Variants in CSMD2 observed in about 807,000 individuals in gnomAD.
The protein encoded by CSMD2 is CUB and sushi domain-containing protein 2.
Under a neutral mutation model 398.5 loss-of-function variants are expected in CSMD2, and 130 were observed. That is an observed-to-expected ratio of 0.33 (90% CI 0.28 to 0.38). CSMD2 has a LOEUF of 0.38. Ranked by LOEUF, CSMD2 falls within the 10% of genes least tolerant of loss-of-function variation. CSMD2 has a pLI of 1.00. For missense variants in CSMD2, 3,829 were observed against 4,764.9 expected, an observed-to-expected ratio of 0.80 and a Z score of 5.78; for synonymous variants, 1,828 against 1,908.5, an observed-to-expected ratio of 0.96 and a Z score of 1.10.
At chr1:34,029,879 T>C (rs1650190256) in intron 3 of CSMD2, among the ~76,000 whole-genome samples, 1 of 152,226 alleles carries the variant, frequency 6.6e-6, no homozygotes, top group South Asian at 2.1e-4. Context: ...TGAGGTGAAA[T>C]AGGCTGTTCC....
chr1:34,155,581 G>C (rs965529087), intron 1 of CSMD2, among the ~76,000 whole-genome samples: 5 of 152,104 alleles, frequency 3.3e-5, no homozygotes, highest in Non-Finnish European at 7.4e-5. Flanking sequence ...GAGTTTTCAG[G>C]AGCAGTCCCA....
At chr1:33,661,231 G>A (rs916856945) in intron 26 of CSMD2, among the ~76,000 whole-genome samples, 4 of 152,172 alleles carry the variant, frequency 2.6e-5, no homozygotes, top group Non-Finnish European at 5.9e-5. Flanking sequence ...CAGCTTGGGC[G>A]CAGTTGGAGA....
intron 5 of CSMD2, among the ~76,000 whole-genome samples, chr1:33,868,653 T>C (rs1248428335): frequency 6.6e-6 from 1 of 152,132 alleles, no homozygotes; most frequent in Non-Finnish European, 1.5e-5. Flanking sequence ...GGAGAATTGC[T>C]TGAACCCAGG....
chr1:33,940,589 C>G (rs941909148), intron 3 of CSMD2, among the ~76,000 whole-genome samples: 1 of 152,074 alleles, frequency 6.6e-6, no homozygotes, highest in Admixed American at 6.5e-5. Flanking sequence ...GCTTCATTCA[C>G]TTGCTTGCCC....
chr1:33,958,854 C>T (rs189760952), intron 3 of CSMD2, among the ~76,000 whole-genome samples: 173 of 152,290 alleles, frequency 1.1e-3, no homozygotes, highest in Non-Finnish European at 1.9e-3. Flanking sequence ...GTTTAAGCTG[C>T]TATGTGCGTG....
rs1643806197 is a variant in CSMD2 at position 33,652,362 on chromosome 1, G to A, written c.4547C>T (p.Thr1516Ile). 11 of 1,614,132 alleles carry A rather than the reference G, an allele frequency of 6.8e-6. No homozygotes were observed. In the East Asian group the frequency reaches 2.0e-4, roughly 29 times the overall value. The change falls in exon 28 of 71, where the codon ACC becomes ATC. Residue 1516 changes from threonine (T) to isoleucine (I), a missense_variant. Transcript: ENST00000373381. ...PPGKECDWKV[T>I]VSPDYVIALV... ...GGCGATGACGTAGTCTGGTGAGACG[G>A]TCACTTTCCAGTCACACTCCTTGCC...
chr1:33,687,488 G>T (rs61799711), intron 25 of CSMD2, among the ~76,000 whole-genome samples: 1,856 of 152,108 alleles, frequency 0.012, 18 homozygotes, highest in Non-Finnish European at 0.019. Flanking sequence ...ATAAAAACAG[G>T]ATATAGAACT....
rs756937873 is a variant in CSMD2, at chr1:33,527,267, GA to G, written c.10172-10del. The G allele has an allele frequency of 2.5e-6, 4 of 1,608,058 alleles. No individual in the cohort carries two copies. Among genetic ancestry groups the G allele is most frequent in the Middle Eastern group, 1.7e-4 (1 of 6,024 alleles). On this transcript the variant is annotated splice_polypyrimidine_tract_variant and intron_variant, in intron 64 of 70. Transcript: ENST00000373381. ...CCCACTGGGCCGGACCTCTGCTGGG[GA>G]AAAAGAGTGGAAGAAAACAGGTTCA... is the stretch of plus-strand genomic sequence containing the variant.
At chr1:33,600,801 G>C in intron 44 of CSMD2, 64 bp downstream of exon 44, 5 of 1,529,194 alleles carry the variant, frequency 3.3e-6, no homozygotes, top group Non-Finnish European at 4.5e-6. Flanking sequence ...GTGGAGACGG[G>C]AGTCAAGCTC....
intron 3 of CSMD2, among the ~76,000 whole-genome samples, chr1:33,955,366 G>A (rs1488266449): frequency 6.6e-6 from 1 of 152,186 alleles, no homozygotes; most frequent in South Asian, 2.1e-4. Flanking sequence ...GCATCCTGGG[G>A]CCTGTGCAGA....
At chr1:33,950,621 G>A (rs1644980443) in intron 3 of CSMD2, among the ~76,000 whole-genome samples, 1 of 152,200 alleles carries the variant, frequency 6.6e-6, no homozygotes, top group Non-Finnish European at 1.5e-5. Context: ...CCAGTGGTTG[G>A]CATAGTTGGG....
At chr1:33,756,178 G>C (rs1648985587) in intron 13 of CSMD2, among the ~76,000 whole-genome samples, 1 of 152,108 alleles carries the variant, frequency 6.6e-6, no homozygotes, top group Non-Finnish European at 1.5e-5. Flanking sequence ...CTTCTCACTT[G>C]CTTGTCCTCT....
At chr1:33,648,822 T>C (rs1245654476) in intron 28 of CSMD2, among the ~76,000 whole-genome samples, 1 of 152,196 alleles carries the variant, frequency 6.6e-6, no homozygotes, top group Non-Finnish European at 1.5e-5. Context: ...AGTCCTGATT[T>C]GGCTCCTTCT....
chr1:34,109,658 TG>T (rs1224932717), intron 1 of CSMD2, among the ~76,000 whole-genome samples: 4 of 152,136 alleles, frequency 2.6e-5, no homozygotes, highest in African/African-American at 9.7e-5. Context: ...ATTCAGCATC[TG>T]TAAGGAACTT....
In CSMD2 at chr1:33,739,126, C is replaced by T. The variant is rs776469305; in HGVS notation, c.2368+14G>A. On this transcript the variant is annotated intron_variant, in intron 15 of 70. Transcript: ENST00000373381. ...GCTGACAATGGCCACTGCTCCCAGC[C>T]TGCAGGCTCGTACCTTCACACCGCA... is the stretch of plus-strand genomic sequence containing the variant. The T allele has an allele frequency of 2.5e-6, 4 of 1,606,630 alleles. No homozygotes were observed. Among genetic ancestry groups the T allele is most frequent in the African/African-American group, 1.3e-5 (1 of 74,664 alleles).
At chr1:33,984,569 T>C (rs367769365) in intron 3 of CSMD2, among the ~76,000 whole-genome samples, 11 of 151,996 alleles carry the variant, frequency 7.2e-5, no homozygotes, top group Non-Finnish European at 1.0e-4. Flanking sequence ...GGAAGAAGGA[T>C]TGCAGGAGTT....
rs376340418 is a variant in CSMD2 at position 33,855,510 on chromosome 1, C to A, written c.921-8514G>T. 5.3e-5 allele frequency among the ~76,000 whole-genome samples: 8 copies of A among 152,234 alleles called. No homozygotes were observed. In the South Asian group the frequency reaches 6.2e-4, roughly 12 times the overall value. ...ATCATTTCTTCCACTTCTGTTGCTGCCTCCCCAACTTGCCCTTATTACTTT... is the reference window on the plus strand; with the variant it reads ...ATCATTTCTTCCACTTCTGTTGCTGACTCCCCAACTTGCCCTTATTACTTT... On this transcript the variant is annotated intron_variant, in intron 5 of 70. Transcript: ENST00000373381.
chr1:33,526,668 A>T (rs754922744), intron 65 of CSMD2, among the ~76,000 whole-genome samples: 1 of 152,244 alleles, frequency 6.6e-6, no homozygotes, highest in Non-Finnish European at 1.5e-5. Flanking sequence ...TGAGTTTCTG[A>T]TGCCAAATCT....
intron 62 of CSMD2, among the ~76,000 whole-genome samples, chr1:33,534,224 C>G (rs1570644649): frequency 1.3e-5 from 2 of 152,222 alleles, no homozygotes; most frequent in East Asian, 3.9e-4. Context: ...CTGCATGGAA[C>G]TCTGTAAACC....
Sources: gnomAD v4.1 joint callset for allele counts (sites outside exome capture counted in the v4.1 genomes callset) on GRCh38, gnomAD v4.1.1 for gene constraint, MANE v1.5 for transcripts, NCBI Gene and HGNC (gene_info 2026-07-23, HGNC 2026-07-21) for gene names.